CYP24A1: variants seen among roughly 807,000 people sequenced by gnomAD.
The protein encoded by CYP24A1 is 1,25-dihydroxyvitamin D(3) 24-hydroxylase, mitochondrial.
CYP24A1 carries 68 observed loss-of-function variants against 62.4 expected under a neutral mutation model. The observed-to-expected ratio is 1.09, with a 90% CI of 0.90 to 1.33. The LOEUF (loss-of-function observed/expected upper bound fraction) is 1.33. Among genes scored for constraint, CYP24A1 ranks in the 40% most tolerant of loss-of-function variants. The probability of loss-of-function intolerance (pLI) is 0.00; values close to 1 mark genes in which losing one functional copy is unlikely to be tolerated. For synonymous variants in CYP24A1, 267 were observed against 253.0 expected, an observed-to-expected ratio of 1.06 and a Z score of -0.52; for missense variants, 787 against 653.0, an observed-to-expected ratio of 1.21 and a Z score of -2.24.
intron 4 of CYP24A1, 64 bp from the exon 5 acceptor site, chr20:54,165,897 G>T (rs2092670243): frequency 2.2e-6 from 2 of 897,784 alleles, no homozygotes; most frequent in South Asian, 2.6e-5. Flanking sequence ...TCTATGTTTA[G>T]CTGGTTATTA....
Position 54,173,870 on chromosome 20 carries a change from G to T in CYP24A1, c.-291C>A. 3 of 518,394 alleles carry T rather than the reference G, an allele frequency of 5.8e-6. No individual in the cohort carries two copies. The highest frequency in any genetic ancestry group is 3.5e-6 in the Non-Finnish European group (1 of 288,094). 32.1% of individuals were successfully genotyped at this position (518,394 alleles called of 1,614,324 possible). A position where few individuals can be genotyped will look rare whatever the true frequency, so the allele number is the denominator to read the frequency against. ...GGACCTCTTGAAAAGGGAAAGCTGG[G>T]AGTCCTCCTGTTGGTCCGCAAGGCT... On this transcript the variant is annotated 5_prime_UTR_variant, in exon 1 of 12. Coordinates refer to ENST00000216862, the MANE Select transcript of CYP24A1 (RefSeq NM_000782.5). This position sits in a 1 kb window ranked among gnomAD's most constrained non-coding sequence, Gnocchi z 7.2.
intron 5 of CYP24A1, 127 bp from the exon 6 acceptor site, chr20:54,164,690 A>AC: frequency 6.5e-7 from 1 of 1,546,504 alleles, no homozygotes. Context: ...TTACAAGGAC[A>AC]CCCCCGGCTC....
chr20:54,173,600 C>T lies in CYP24A1; in HGVS notation c.-21G>A, dbSNP rs1405566917. The T allele has an allele frequency of 1.3e-6, 2 of 1,553,518 alleles. No individual in the cohort carries two copies. The highest frequency in any genetic ancestry group is 1.7e-6 in the Non-Finnish European group (2 of 1,151,818). The stretch of plus-strand genomic sequence containing the variant: ...CTCATGGCAGCGGGGGACACCGGAG[C>T]GCGGGAAGGCAGGAGGATGGGGTGG... On this transcript the variant is annotated 5_prime_UTR_variant, in exon 1 of 12. Transcript: ENST00000216862. This position sits in a 1 kb window ranked among gnomAD's most constrained non-coding sequence, Gnocchi z 7.2.
At chr20:54,164,637 A>C in intron 5 of CYP24A1, 74 bp from the exon 6 acceptor site, 3 of 1,612,072 alleles carry the variant, frequency 1.9e-6, no homozygotes, top group Non-Finnish European at 2.5e-6. Context: ...TGGAAGAGGA[A>C]CATTCTAAAC....
chr20:54,145,475 A>G, the CYP24A1 span, among the ~76,000 whole-genome samples: 2 of 152,176 alleles, frequency 1.3e-5, no homozygotes, highest in East Asian at 1.9e-4. Flanking sequence ...CCCCATCTCT[A>G]TTAAAAATAC....
intron 7 of CYP24A1, among the ~76,000 whole-genome samples, chr20:54,160,916 A>G (rs1442533353): frequency 6.6e-6 from 1 of 152,200 alleles, no homozygotes; most frequent in Non-Finnish European, 1.5e-5. Flanking sequence ...ACTATCCTTG[A>G]TTGACCTCCA....
At chr20:54,166,388 A>G (rs1469498780) in intron 4 of CYP24A1, among the ~76,000 whole-genome samples, 1 of 152,142 alleles carries the variant, frequency 6.6e-6, no homozygotes, top group Non-Finnish European at 1.5e-5. Flanking sequence ...TCATTTCAAA[A>G]CTTTTTACCT....
At chr20:54,148,168 C>G in the CYP24A1 span, among the ~76,000 whole-genome samples, 1 of 151,804 alleles carries the variant, frequency 6.6e-6, no homozygotes, top group South Asian at 2.1e-4. Context: ...CGATACACTG[C>G]CTATTTTTCT....
chr20:54,148,411 C>CACACACAT, the CYP24A1 span, among the ~76,000 whole-genome samples: 1 of 149,354 alleles, frequency 6.7e-6, no homozygotes, highest in East Asian at 2.0e-4. Context: ...CACACACACA[C>CACACACAT]GTCTTAACTC....
chr20:54,157,654 CAAGTTG>C, intron 9 of CYP24A1, 69 bp from the exon 10 acceptor site: 6 of 917,498 alleles, frequency 6.5e-6, no homozygotes, highest in South Asian at 6.5e-5. Context: ...AAAATTGACA[CAAGTTG>C]TCACCTTACA....
At chr20:54,149,979 A>G (rs2092610172), downstream of CYP24A1, among the ~76,000 whole-genome samples, 1 of 147,190 alleles carries the variant, frequency 6.8e-6, no homozygotes, top group Non-Finnish European at 1.5e-5. Flanking sequence ...AAGCTTTTCC[A>G]ACACCGGAAG....
At chr20:54,170,838 G>A (rs1048363018) in intron 3 of CYP24A1, among the ~76,000 whole-genome samples, 15 of 152,260 alleles carry the variant, frequency 9.9e-5, no homozygotes, top group South Asian at 4.1e-4. Flanking sequence ...ATCTGGGGAC[G>A]CATCCAGTTC....
In CYP24A1 at chr20:54,173,421, C is replaced by G. The variant is rs1446596342; in HGVS notation, c.159G>C (p.Gln53His). 1.9e-6 allele frequency: 3 copies of G among 1,572,916 alleles called. No homozygotes were observed. Among genetic ancestry groups the G allele is most frequent in the Non-Finnish European group, 2.6e-6 (3 of 1,158,560 alleles). ...VCPLTAGGET[Q>H]NAAALPGPTS... ...TGGGGCCCGGCAGGGCGGCCGCGTTCTGAGTCTCGCCACCAGCTGTCAGCG... is the reference window on the plus strand; with the variant it reads ...TGGGGCCCGGCAGGGCGGCCGCGTTGTGAGTCTCGCCACCAGCTGTCAGCG... The change falls in exon 1 of 12, where the codon CAG (glutamine) becomes CAC (histidine). Residue 53 changes from glutamine to histidine, a missense_variant. Physicochemically the swap from Gln to His is conservative, Grantham distance 24 (BLOSUM62 0). Coordinates refer to ENST00000216862, the MANE Select transcript of CYP24A1 (RefSeq NM_000782.5). This position sits in a 1 kb window ranked among gnomAD's most constrained non-coding sequence, Gnocchi z 7.2.
chr20:54,158,665 C>T (rs2092638483), intron 8 of CYP24A1, among the ~76,000 whole-genome samples: 1 of 152,214 alleles, frequency 6.6e-6, no homozygotes, highest in Admixed American at 6.5e-5. Context: ...GCCTCCATCT[C>T]ATAACCTTCA....
Position 54,172,995 on chromosome 20 carries a change from G to A in CYP24A1, c.363C>T (p.Thr121=). The A allele has an allele frequency of 6.2e-7, 1 of 1,612,420 alleles. No homozygotes were observed. Among genetic ancestry groups the A allele is most frequent in the Admixed American group, 1.7e-5 (1 of 60,028 alleles). ...SPCLLEALYR[T]ESAYPQRLEI... is the part of the protein sequence containing the mutation. ...CCAGCCGCTGCGGGTACGCGCTCTC[G>A]GTGCGGTACAGCGCTTCCAGCAGGC... Residue 121 remains threonine, a synonymous_variant, in exon 2 of 12, where the codon ACC becomes ACT. Coordinates refer to ENST00000216862, the MANE Select transcript of CYP24A1 (RefSeq NM_000782.5).
intron 11 of CYP24A1, among the ~76,000 whole-genome samples, chr20:54,155,884 G>A (rs574051346): frequency 1.3e-5 from 2 of 151,146 alleles, no homozygotes; most frequent in African/African-American, 2.4e-5. Context: ...TACTCAGGAC[G>A]AGGCCAACAT....
At position 54,173,070 on chromosome 20, in the gene CYP24A1, A is replaced by G. The variant is rs1383336652; in HGVS notation, c.288T>C (p.Ile96=). The G allele has an allele frequency of 6.2e-7, 1 of 1,605,304 alleles. No individual in the cohort carries two copies. The highest frequency in any genetic ancestry group is 8.5e-7 in the Non-Finnish European group (1 of 1,179,982). ...CAAAGGAACCCAACTTCATGCGGAA[A>G]ATCTTGCCATACTTCTTGTGGTACT... ...LVEYHKKYGK[I]FRMKLGSFES... is the part of the protein sequence containing the mutation. The change falls in exon 2 of 12, where the codon ATT becomes ATC. Residue 96 remains isoleucine, a synonymous_variant. Transcript: ENST00000216862. This position sits in a 1 kb window ranked among gnomAD's most constrained non-coding sequence, Gnocchi z 7.2.
Position 54,158,119 on chromosome 20 carries a change from T to C in CYP24A1, c.1203A>G (p.Ala401=). The change falls in exon 9 of 12, where the codon GCA becomes GCG. Residue 401 remains alanine, a synonymous_variant. Coordinates refer to ENST00000216862, the MANE Select transcript of CYP24A1 (RefSeq NM_000782.5). ...GTAAAGCATATTCACCCAGAACTGTTGCCTTGTCAAGAGTCCGAGTTGTAA... is the reference window on the plus strand; with the variant it reads ...GTAAAGCATATTCACCCAGAACTGTCGCCTTGTCAAGAGTCCGAGTTGTAA... ...VPFTTRTLDK[A]TVLGEYALPK... 1.2e-6 allele frequency: 2 copies of C among 1,614,062 alleles called. No homozygotes were observed. Among genetic ancestry groups the C allele is most frequent in the Admixed American group, 1.7e-5 (1 of 60,034 alleles).
At chr20:54,160,827 G>A (rs1433597865) in intron 7 of CYP24A1, among the ~76,000 whole-genome samples, 1 of 152,214 alleles carries the variant, frequency 6.6e-6, no homozygotes, top group East Asian at 1.9e-4. Context: ...GGCAGTCTGA[G>A]CCTGTAGGGA....
Sources: gnomAD v4.1 joint callset for allele counts (sites outside exome capture counted in the v4.1 genomes callset) on GRCh38, gnomAD v4.1.1 for gene constraint, Gnocchi (gnomAD v3.1) non-coding constraint, MANE v1.5 for transcripts, NCBI Gene and HGNC (gene_info 2026-07-23, HGNC 2026-07-21) for gene names.